ST8SIA5: variants seen among roughly 807,000 people sequenced by gnomAD.
ST8SIA5 encodes the protein ST8 alpha-N-acetyl-neuraminide alpha-2,8-sialyltransferase 5, also known as alpha-2,8-sialyltransferase 8E.
Under a neutral mutation model 40.2 loss-of-function variants are expected in ST8SIA5, and 24 were observed. That is an observed-to-expected ratio of 0.60 (90% CI 0.43 to 0.84). The LOEUF (loss-of-function observed/expected upper bound fraction) is 0.84, where lower values mean the gene tolerates loss of function less well. ST8SIA5 is among the 40% of genes least tolerant of loss of function. The probability of loss-of-function intolerance (pLI) is 0.00; values close to 1 mark genes in which losing one functional copy is unlikely to be tolerated. For missense variants in ST8SIA5, 465 were observed against 498.5 expected, an observed-to-expected ratio of 0.93 and a Z score of 0.64; for synonymous variants, 198 against 201.8, an observed-to-expected ratio of 0.98 and a Z score of 0.16.
intron 1 of ST8SIA5, among the ~76,000 whole-genome samples, chr18:46,731,451 C>T (rs554089242): frequency 6.6e-6 from 1 of 152,332 alleles, no homozygotes; most frequent in Admixed American, 6.5e-5. Context: ...AACTAGAGGT[C>T]ACTGAGCACC....
intron 1 of ST8SIA5, among the ~76,000 whole-genome samples, chr18:46,725,980 T>A (rs868813606): frequency 0.066 from 3,554 of 53,832 alleles, 338 homozygotes; most frequent in Non-Finnish European, 0.088. Flanking sequence ...AAAATATATA[T>A]ATATATATAT....
intron 1 of ST8SIA5, among the ~76,000 whole-genome samples, chr18:46,752,295 C>T (rs2040203042): frequency 6.6e-6 from 1 of 152,076 alleles, no homozygotes; most frequent in Non-Finnish European, 1.5e-5. Flanking sequence ...CTAGGCGTGC[C>T]TTTCTGTCTT....
chr18:46,749,786 C>G (rs532990220), intron 1 of ST8SIA5, among the ~76,000 whole-genome samples: 1 of 152,112 alleles, frequency 6.6e-6, no homozygotes, highest in African/African-American at 2.4e-5. Context: ...CCCCAAAATT[C>G]CTATGTTGAA....
intron 1 of ST8SIA5, chr18:46,731,674 C>G (rs886183374): frequency 1.3e-5 from 2 of 152,362 alleles, no homozygotes; most frequent in African/African-American, 2.4e-5. Flanking sequence ...AGAACAGACG[C>G]CCTTACCTTC....
chr18:46,721,483 G>A (rs767027144), intron 1 of ST8SIA5: 20 of 1,533,830 alleles, frequency 1.3e-5, no homozygotes, highest in Middle Eastern at 1.7e-4. Context: ...GCAAGAAAAC[G>A]AGGCAGTCGG....
At chr18:46,693,764 T>A (rs1327815955) in intron 2 of ST8SIA5, among the ~76,000 whole-genome samples, 1 of 152,216 alleles carries the variant, frequency 6.6e-6, no homozygotes, top group East Asian at 1.9e-4. Flanking sequence ...GAGATCCTCA[T>A]GTACATTAAC....
chr18:46,680,553 G>A (rs748914635), intron 6 of ST8SIA5, 43 bp from the exon 7 acceptor site: 1 of 1,505,116 alleles, frequency 6.6e-7, no homozygotes, highest in South Asian at 1.3e-5. Context: ...ACTCCTCCGT[G>A]CCCTCAGGCC....
In ST8SIA5 at chr18:46,680,138, G is replaced by A. The variant is rs924684866; in HGVS notation, c.1035C>T (p.Pro345=). ...HHYYDNVKPR[P]GFHAMPSEIF... Reference sequence around the variant, plus strand: ...TCTCAGAGGGCATGGCGTGGAAGCCGGGACGCGGCTTGACGTTGTCATAGT... The same window carrying A: ...TCTCAGAGGGCATGGCGTGGAAGCCAGGACGCGGCTTGACGTTGTCATAGT... The change falls in exon 7 of 7, where the codon CCC becomes CCT. Residue 345 remains proline (P), a synonymous_variant. Transcript: ENST00000315087. The A allele has an allele frequency of 9.3e-6, 15 of 1,614,238 alleles. No homozygotes were observed. The highest frequency in any genetic ancestry group is 1.3e-5 in the Non-Finnish European group (15 of 1,180,050).
Position 46,704,527 on chromosome 18 carries a change from C to T in ST8SIA5, c.224+45G>A, listed in dbSNP as rs375944639. On this transcript the variant is annotated intron_variant, in intron 2 of 6. Coordinates refer to ENST00000315087, the MANE Select transcript of ST8SIA5 (RefSeq NM_013305.6). The stretch of plus-strand genomic sequence containing the variant: ...ACGCACTCACCCCCAACCCCTGCCC[C>T]ACCTCCACATGCTCCCTGCACCCAC... 49 of 1,551,074 alleles carry T rather than the reference C, an allele frequency of 3.2e-5. 2 individuals are homozygous for T. In the Middle Eastern group the frequency reaches 9.8e-4, roughly 31 times the overall value.
At chr18:46,725,984 T>TATATATCCTGG (rs1555696966) in intron 1 of ST8SIA5, among the ~76,000 whole-genome samples, 1 of 43,658 alleles carries the variant, frequency 2.3e-5, no homozygotes, top group African/African-American at 9.2e-5. Context: ...TATATATATA[T>TATATATCCTGG]ATATATATAT....
intron 1 of ST8SIA5, chr18:46,723,271 G>A (rs2039881235): frequency 6.6e-6 from 1 of 152,442 alleles, no homozygotes. Flanking sequence ...AAATAGTGAG[G>A]CCAGGCTTGA....
chr18:46,687,217 AC>A lies in ST8SIA5; in HGVS notation c.457-932del, dbSNP rs572956195. On this transcript the variant is annotated intron_variant, in intron 4 of 6. Coordinates refer to ENST00000315087, the MANE Select transcript of ST8SIA5 (RefSeq NM_013305.6). ...AGAAACTATTTTGTGATACATGAAA[AC>A]TATGTAAAATTCCAATTTTGGCATC... 5.4e-4 allele frequency among the ~76,000 whole-genome samples: 82 copies of A among 152,346 alleles called. 2 individuals are homozygous for A. The South Asian group carries it at 0.016, about 30-fold the overall frequency.
In ST8SIA5 at chr18:46,674,079, A is replaced by G. The variant is rs1220818132; in HGVS notation, c.*5963T>C. On this transcript the variant is annotated 3_prime_UTR_variant, in exon 7 of 7. Coordinates refer to ENST00000315087, the MANE Select transcript of ST8SIA5 (RefSeq NM_013305.6). ...GCTCAGCTCACCTGTTTCCCAGCCA[A>G]AGCATTCAGCATGTTCCTCTAGTTT... is the stretch of plus-strand genomic sequence containing the variant. 3 of 152,208 alleles carry G rather than the reference A, an allele frequency of 2.0e-5. No homozygotes were observed. The highest frequency in any genetic ancestry group is 4.4e-5 in the Non-Finnish European group (3 of 68,054). The allele number at this position is 152,208 out of a possible 1,614,324, so 9.4% of individuals were successfully genotyped here. A position where few individuals can be genotyped will look rare whatever the true frequency, so the allele number is the denominator to read the frequency against.
In ST8SIA5 at chr18:46,756,654, G is replaced by A. The variant is rs2040252008; in HGVS notation, c.-146C>T. The A allele has an allele frequency of 2.0e-6, 2 of 995,142 alleles. No individual in the cohort carries two copies. Among genetic ancestry groups the A allele is most frequent in the Admixed American group, 6.2e-5 (2 of 32,252 alleles). The allele number at this position is 995,142 out of a possible 1,614,324, so 61.6% of individuals were successfully genotyped here. On this transcript the variant is annotated 5_prime_UTR_variant, in exon 1 of 7. Coordinates refer to ENST00000315087, the MANE Select transcript of ST8SIA5 (RefSeq NM_013305.6). ...GGGACTTCGAGGGGCAAAGTTTCTG[G>A]TTGGCGCGGCCGGAGCTGGGGGCAT...
chr18:46,738,512 A>C (rs1057177495), intron 1 of ST8SIA5, among the ~76,000 whole-genome samples: 1 of 152,160 alleles, frequency 6.6e-6, no homozygotes, highest in African/African-American at 2.4e-5. Context: ...AGGCCACCTT[A>C]AATTTTGTTC....
intron 6 of ST8SIA5, 107 bp from the exon 7 acceptor site, chr18:46,680,617 A>G: frequency 1.7e-6 from 2 of 1,177,832 alleles, no homozygotes; most frequent in Non-Finnish European, 2.3e-6. Context: ...GAAGGGACTC[A>G]TAAGGCCACC....
chr18:46,735,546 G>C (rs2040025636), intron 1 of ST8SIA5, among the ~76,000 whole-genome samples: 1 of 152,166 alleles, frequency 6.6e-6, no homozygotes, highest in Non-Finnish European at 1.5e-5. Flanking sequence ...ATGCAAAATT[G>C]GTGAAATGAG....
At chr18:46,726,743 C>T (rs1324378805) in intron 1 of ST8SIA5, among the ~76,000 whole-genome samples, 1 of 151,924 alleles carries the variant, frequency 6.6e-6, no homozygotes, top group Non-Finnish European at 1.5e-5. Flanking sequence ...ATGGTGGATC[C>T]CCATCTCTAC....
At chr18:46,686,146 G>T in intron 5 of ST8SIA5, 28 bp downstream of exon 5, 2 of 1,605,840 alleles carry the variant, frequency 1.2e-6, no homozygotes, top group Non-Finnish European at 8.5e-7. Flanking sequence ...TGGGGTAGTG[G>T]CAAGGGCAGT....
Sources: gnomAD v4.1 joint callset for allele counts (sites outside exome capture counted in the v4.1 genomes callset) on GRCh38, gnomAD v4.1.1 for gene constraint, MANE v1.5 for transcripts, NCBI Gene and HGNC (gene_info 2026-07-23, HGNC 2026-07-21) for gene names.